The following EFCAB9 variants were observed in gnomAD, a reference collection of about 807,000 sequenced individuals.
EFCAB9 encodes EF-hand calcium binding domain 9.
EFCAB9 carries 16 observed loss-of-function variants against 15.6 expected under a neutral mutation model. The observed-to-expected ratio is 1.03, with a 90% CI of 0.69 to 1.56. EFCAB9 has a LOEUF of 1.56. Among genes scored for constraint, EFCAB9 ranks in the 40% most tolerant of loss-of-function variants. The pLI, the probability that EFCAB9 is intolerant of heterozygous loss-of-function variation, is 0.00. For synonymous variants in EFCAB9, 76 were observed against 85.4 expected, an observed-to-expected ratio of 0.89 and a Z score of 0.61; for missense variants, 208 against 235.4, an observed-to-expected ratio of 0.88 and a Z score of 0.76.
chr5:172,195,035 G>A (rs1771135865), intron 1 of EFCAB9, among the ~76,000 whole-genome samples: 1 of 152,002 alleles, frequency 6.6e-6, no homozygotes, highest in Non-Finnish European at 1.5e-5. Flanking sequence ...CTTGGGAGCT[G>A]AGCCCCACTC....
intron 3 of EFCAB9, 73 bp downstream of exon 3, chr5:172,200,815 A>G: frequency 7.2e-7 from 1 of 1,395,356 alleles, no homozygotes; most frequent in East Asian, 2.5e-5. Flanking sequence ...GTCCTACTAC[A>G]TATAGGAGAG....
intron 1 of EFCAB9, among the ~76,000 whole-genome samples, chr5:172,197,661 C>T (rs1214602476): frequency 6.6e-6 from 1 of 152,138 alleles, no homozygotes; most frequent in East Asian, 1.9e-4. Flanking sequence ...GGTTCGTGGT[C>T]TCCCTGACTT....
intron 3 of EFCAB9, among the ~76,000 whole-genome samples, chr5:172,202,655 C>T (rs1199345443): frequency 2.0e-5 from 3 of 151,898 alleles, no homozygotes; most frequent in Non-Finnish European, 2.9e-5. Context: ...TTGCAGTGAG[C>T]TGAGATCACG....
rs1456220851 is a variant in EFCAB9, at chr5:172,194,369, A to T, written c.136+61A>T. On this transcript the variant is annotated intron_variant, in intron 1 of 3. Transcript: ENST00000398186. The stretch of plus-strand genomic sequence containing the variant: ...ACCTGGGTTTTAGCTAATGTGTAAG[A>T]AAACTTGCAGAGCCAGAAACTATTT... The T allele has an allele frequency of 5.0e-4, 752 of 1,501,244 alleles. 5 individuals are homozygous for T. Among genetic ancestry groups the T allele is most frequent in the Non-Finnish European group, 7.6e-5 (86 of 1,130,680 alleles). The allele number at this position is 1,501,244 out of a possible 1,614,324, so 93.0% of individuals were successfully genotyped here. A position where few individuals can be genotyped will look rare whatever the true frequency, so the allele number is the denominator to read the frequency against.
intron 1 of EFCAB9, among the ~76,000 whole-genome samples, chr5:172,197,125 T>A (rs1442758394): frequency 6.6e-6 from 1 of 151,356 alleles, no homozygotes; most frequent in Non-Finnish European, 1.5e-5. Flanking sequence ...TTTTTTTTTT[T>A]AAACAGAGTT....
Position 172,203,076 on chromosome 5 carries a change from C to G in EFCAB9, c.463-138C>G, listed in dbSNP as rs11956036. ...TCCTGGGTACTCGACTACAATCGGA[C>G]TATAATTATGTCCCAATTACTGAGT... On this transcript the variant is annotated intron_variant, in intron 3 of 3. Coordinates refer to ENST00000398186, the MANE Select transcript of EFCAB9 (RefSeq NM_001171183.2). 4.8e-3 allele frequency: 4,015 copies of G among 828,662 alleles called. 95 individuals are homozygous for G. The African/African-American group carries it at 0.06, about 12-fold the overall frequency. The allele number at this position is 828,662 out of a possible 1,614,324, so 51.3% of individuals were successfully genotyped here.
chr5:172,201,119 T>TA (rs1771250216), intron 3 of EFCAB9, among the ~76,000 whole-genome samples: 1 of 152,164 alleles, frequency 6.6e-6, no homozygotes, highest in Non-Finnish European at 1.5e-5. Context: ...CTCACGCCTA[T>TA]AATGCCAGAA....
At chr5:172,202,569 G>A (rs1054569240) in intron 3 of EFCAB9, among the ~76,000 whole-genome samples, 1 of 151,806 alleles carries the variant, frequency 6.6e-6, no homozygotes, top group Non-Finnish European at 1.5e-5. Context: ...TTAGCCAGGC[G>A]TGGTGGCACA....
chr5:172,200,846 G>A, intron 3 of EFCAB9, 104 bp downstream of exon 3: 2 of 1,163,866 alleles, frequency 1.7e-6, no homozygotes, highest in South Asian at 1.7e-5. Flanking sequence ...AGGAGGGAGG[G>A]AAAAACCTAC....
chr5:172,195,183 A>AATACAT (rs779715012), intron 1 of EFCAB9, among the ~76,000 whole-genome samples: 1 of 146,988 alleles, frequency 6.8e-6, no homozygotes, highest in Admixed American at 6.8e-5. Context: ...TAAATAAATA[A>AATACAT]AAATAAATAA....
In EFCAB9 at chr5:172,199,436, A is replaced by T. The variant is rs560821474; in HGVS notation, c.190A>T (p.Ile64Phe). ...TGTGACTGACTTGAAAAAGGCACAG[A>T]TCAACATTGTGTTTGACATGCTGGA... Reference protein sequence around the residue: ...HHVTDLKKAQINIVFDMLDWN... With the variant: ...HHVTDLKKAQFNIVFDMLDWN... Residue 64 changes from isoleucine (I) to phenylalanine (F), a missense_variant, in exon 2 of 4, where the codon ATC becomes TTC. By Grantham distance (21) the Ile-to-Phe change is conservative. Coordinates refer to ENST00000398186, the MANE Select transcript of EFCAB9 (RefSeq NM_001171183.2). 5.9e-6 allele frequency: 9 copies of T among 1,537,258 alleles called. No individual in the cohort carries two copies. The South Asian group carries it at 9.5e-5, about 16-fold the overall frequency.
intron 1 of EFCAB9, among the ~76,000 whole-genome samples, chr5:172,195,946 G>A (rs768109790): frequency 1.3e-5 from 2 of 152,006 alleles, no homozygotes; most frequent in Non-Finnish European, 1.5e-5. Context: ...TGGGACTACA[G>A]CTGTGCACCA....
At chr5:172,200,785 T>A in intron 3 of EFCAB9, 43 bp downstream of exon 3, 2 of 1,501,778 alleles carry the variant, frequency 1.3e-6, no homozygotes, top group Non-Finnish European at 1.8e-6. Flanking sequence ...GGCAGTCTCT[T>A]CCCAAAAGCA....
At chr5:172,198,573 A>G (rs1481533896) in intron 1 of EFCAB9, among the ~76,000 whole-genome samples, 1 of 152,222 alleles carries the variant, frequency 6.6e-6, no homozygotes, top group African/African-American at 2.4e-5. Context: ...TTTGCTTTAT[A>G]CAAGCATGAG....
intron 1 of EFCAB9, among the ~76,000 whole-genome samples, chr5:172,198,497 A>T (rs1771198347): frequency 6.6e-6 from 1 of 152,188 alleles, no homozygotes; most frequent in Non-Finnish European, 1.5e-5. Context: ...AATAAATAAA[A>T]AATAAAGTGC....
rs1554125615 is a variant in EFCAB9 at position 172,195,191 on chromosome 5, T to TAAATAA, written c.136+885_136+890dup. Among the ~76,000 whole-genome samples, 1,139 of 148,902 alleles carry TAAATAA rather than the reference T, an allele frequency of 7.6e-3. 6 individuals are homozygous for TAAATAA. The highest frequency in any genetic ancestry group is 0.019 in the African/African-American group (784 of 40,604). The stretch of plus-strand genomic sequence containing the variant: ...AAATAAATAAATAAATAAAAATAAA[T>TAAATAA]AAATAAATAAATAAATATAAAAGCT... On this transcript the variant is annotated intron_variant, in intron 1 of 3. Transcript: ENST00000398186.
chr5:172,194,309 G>A lies in EFCAB9; in HGVS notation c.136+1G>A, dbSNP rs1043529550. On this transcript the variant is annotated splice_donor_variant, in intron 1 of 3. Transcript: ENST00000398186. LOFTEE classifies it high-confidence loss of function. Reference sequence around the variant, plus strand: ...GTGCACGGCAAGAACACCTTGAATGGTCAGTACTTTCAGACATGTCTCCTC... The same window carrying A: ...GTGCACGGCAAGAACACCTTGAATGATCAGTACTTTCAGACATGTCTCCTC... The A allele has an allele frequency of 1.3e-6, 2 of 1,537,844 alleles. No individual in the cohort carries two copies. The highest frequency in any genetic ancestry group is 1.7e-6 in the Non-Finnish European group (2 of 1,147,002).
At chr5:172,200,395 T>C (rs1316645955) in intron 2 of EFCAB9, among the ~76,000 whole-genome samples, 171 bp from the exon 3 acceptor site, 1 of 152,210 alleles carries the variant, frequency 6.6e-6, no homozygotes, top group Non-Finnish European at 1.5e-5. Context: ...GATGCTGAAG[T>C]GGGACTTGCT....
chr5:172,200,812 T>C lies in EFCAB9; in HGVS notation c.462+70T>C, dbSNP rs1404583749. 2.1e-6 allele frequency: 3 copies of C among 1,419,552 alleles called. No homozygotes were observed. In the African/African-American group the frequency reaches 4.3e-5, roughly 20 times the overall value. The allele number at this position is 1,419,552 out of a possible 1,614,324, so 87.9% of individuals were successfully genotyped here. A position where few individuals can be genotyped will look rare whatever the true frequency, so the allele number is the denominator to read the frequency against. On this transcript the variant is annotated intron_variant, in intron 3 of 3. Transcript: ENST00000398186. ...CCAAAAGCAGAGAAAAATGTCCTAC[T>C]ACATATAGGAGAGATGGGAGAGGAG...
Sources: gnomAD v4.1 joint callset for allele counts (sites outside exome capture counted in the v4.1 genomes callset) on GRCh38, gnomAD v4.1.1 for gene constraint, MANE v1.5 for transcripts, NCBI Gene and HGNC (gene_info 2026-07-23, HGNC 2026-07-21) for gene names.